The following NXN variants were observed in gnomAD, a reference collection of about 807,000 sequenced individuals.
NXN encodes the protein nucleoredoxin 1.
Under a neutral mutation model 48.6 loss-of-function variants are expected in NXN, and 16 were observed. The ratio of observed to expected loss-of-function variants is 0.33; its 90% CI spans 0.22 to 0.50. The LOEUF (loss-of-function observed/expected upper bound fraction) is 0.50, where lower values mean the gene tolerates loss of function less well. Among genes scored for constraint, NXN ranks in the 20% least tolerant of loss-of-function variants. The probability of loss-of-function intolerance (pLI) is 0.98; values close to 1 mark genes in which losing one functional copy is unlikely to be tolerated. For synonymous variants in NXN, 281 were observed against 269.6 expected (o/e 1.04, Z -0.41); for missense variants, 492 against 605.5 (o/e 0.81, Z 1.97).
chr17:902,127 G>A (rs796711946), intron 1 of NXN, among the ~76,000 whole-genome samples: 1 of 152,180 alleles, frequency 6.6e-6, no homozygotes, highest in Admixed American at 6.5e-5. Context: ...GTCCCAGCTA[G>A]TGAGTCAGGA....
At chr17:835,122 C>A (rs1273404093) in intron 1 of NXN, among the ~76,000 whole-genome samples, 4 of 151,210 alleles carry the variant, frequency 2.6e-5, no homozygotes, top group South Asian at 4.2e-4. Context: ...TCCTGGCTAA[C>A]ATGGTGAAAC....
At position 885,869 on chromosome 17, in the gene NXN, T is replaced by C. The variant is rs1352574831; in HGVS notation, c.361-59791A>G. Among the ~76,000 whole-genome samples the C allele has an allele frequency of 4.0e-5, 6 of 151,586 alleles. No homozygotes were observed. The South Asian group carries it at 8.3e-4, about 21-fold the overall frequency. ...CTAATTTTTTTTTTTTGTATTTTTT[T>C]AGTAGAGACGGGGTTTCACCGTGTC... On this transcript the variant is annotated intron_variant, in intron 1 of 7. Transcript: ENST00000336868.
intron 1 of NXN, among the ~76,000 whole-genome samples, chr17:857,790 T>C (rs2068001402): frequency 6.6e-6 from 1 of 152,152 alleles, no homozygotes; most frequent in Non-Finnish European, 1.5e-5. Context: ...AGACCTCCTC[T>C]AGGTGGCACG....
intron 1 of NXN, among the ~76,000 whole-genome samples, chr17:960,395 G>T (rs2069222970): frequency 6.6e-6 from 1 of 152,054 alleles, no homozygotes; most frequent in Admixed American, 6.6e-5. Flanking sequence ...TCAGGCTGGG[G>T]TGCAGTGGCA....
chr17:908,652 A>G (rs2068603427), intron 1 of NXN, among the ~76,000 whole-genome samples: 1 of 152,194 alleles, frequency 6.6e-6, no homozygotes, highest in Non-Finnish European at 1.5e-5. Context: ...GGCCCCCTGG[A>G]GAGCGCTTCA....
In NXN at chr17:932,553, T is replaced by C. The variant is rs1035214236; in HGVS notation, c.360+46766A>G. ...AGCTTCAGGGGAAGGCCTGAGCCCC[T>C]TCTAAGAAAACACAGGCTGGATTTT... On this transcript the variant is annotated intron_variant, in intron 1 of 7. Transcript: ENST00000336868. This position sits in a 1 kb window ranked among gnomAD's most constrained non-coding sequence, Gnocchi z 4.1. Among the ~76,000 whole-genome samples, 3 of 152,202 alleles carry C rather than the reference T, an allele frequency of 2.0e-5. No individual in the cohort carries two copies. Among genetic ancestry groups the C allele is most frequent in the African/African-American group, 7.2e-5 (3 of 41,450 alleles).
intron 1 of NXN, among the ~76,000 whole-genome samples, chr17:940,966 C>T (rs1206642831): frequency 7.0e-6 from 1 of 142,886 alleles, no homozygotes; most frequent in African/African-American, 2.8e-5. Context: ...TTACAGTGAA[C>T]AAGATTCCAG....
In NXN at chr17:940,038, AT is replaced by A. The variant is rs375519906; in HGVS notation, c.360+39280del. Among the ~76,000 whole-genome samples, 397 of 151,618 alleles carry A rather than the reference AT, an allele frequency of 2.6e-3. 2 individuals carry two copies. The highest frequency in any genetic ancestry group is 8.8e-3 in the African/African-American group (362 of 41,290). On this transcript the variant is annotated intron_variant, in intron 1 of 7. Transcript: ENST00000336868. ...AGCCTCAAACTGCCGGGATCAAGTG[AT>A]CCTCCCACCTCAGCCTCCTGAGTAG...
rs1033017208 is a variant in NXN, at chr17:858,518, G to A, written c.361-32440C>T. ...TGAGGCTGGTAGATCACGAGGTCAG[G>A]AGATCGAGACCATCCTGGCTAACAC... is the stretch of plus-strand genomic sequence containing the variant. On this transcript the variant is annotated intron_variant, in intron 1 of 7. Transcript: ENST00000336868. 1.3e-4 allele frequency among the ~76,000 whole-genome samples: 20 copies of A among 151,686 alleles called. No individual in the cohort carries two copies. The South Asian group carries it at 2.3e-3, about 17-fold the overall frequency.
chr17:908,302 C>T (rs11652918), intron 1 of NXN, among the ~76,000 whole-genome samples: 50,514 of 151,938 alleles, frequency 0.33, 9,142 homozygotes, highest in Admixed American at 0.5. Flanking sequence ...CTTTGGGAGG[C>T]TGAGGCAGGC....
intron 1 of NXN, among the ~76,000 whole-genome samples, chr17:852,969 A>C (rs2067940529): frequency 6.6e-6 from 1 of 151,954 alleles, no homozygotes; most frequent in African/African-American, 2.4e-5. Flanking sequence ...ATGAGACCTA[A>C]AGTGTAAATT....
chr17:946,044 G>A (rs1430832758), intron 1 of NXN, among the ~76,000 whole-genome samples: 1 of 152,188 alleles, frequency 6.6e-6, no homozygotes, highest in African/African-American at 2.4e-5. Flanking sequence ...GAGAAGGAGA[G>A]GGAAAGGGAG....
chr17:819,384 G>A (rs777901579), intron 5 of NXN, 55 bp downstream of exon 5: 2 of 1,236,076 alleles, frequency 1.6e-6, no homozygotes, highest in South Asian at 2.4e-5. Context: ...GACACGGTGA[G>A]CTCAGGTGAG....
At position 876,501 on chromosome 17, in the gene NXN, C is replaced by A. The variant is rs187520618; in HGVS notation, c.361-50423G>T. ...CACGCTAGGCGTCCTTTGCTCTAAG[C>A]GTGTTTCATGTACGTCTCCCCATCA... is the stretch of plus-strand genomic sequence containing the variant. On this transcript the variant is annotated intron_variant, in intron 1 of 7. Coordinates refer to ENST00000336868, the MANE Select transcript of NXN (RefSeq NM_022463.5). Among the ~76,000 whole-genome samples the A allele has an allele frequency of 6.6e-5, 10 of 152,272 alleles. No individual in the cohort carries two copies. The South Asian group carries it at 1.0e-3, about 16-fold the overall frequency.
Position 823,668 on chromosome 17 carries a change from C to T in NXN, c.576G>A (p.Glu192=). Residue 192 remains glutamate (E), a synonymous_variant, in exon 3 of 8, where the codon GAG becomes GAA. Transcript: ENST00000336868. ...AGAAATAGACGCCCACGTGAGACCC[C>T]TCCAGGCTGCTGCTCTCCAGAGACT... ...NGQSLESSSL[E]GSHVGVYFSA... 1.2e-6 allele frequency: 2 copies of T among 1,614,168 alleles called. No individual in the cohort carries two copies. The highest frequency in any genetic ancestry group is 1.7e-6 in the Non-Finnish European group (2 of 1,180,034).
intron 1 of NXN, chr17:933,300 A>C (rs2150598702): frequency 6.6e-6 from 1 of 152,390 alleles, no homozygotes; most frequent in Non-Finnish European, 1.5e-5. Context: ...AAATCTGATT[A>C]GTAAAAAGAT....
At chr17:802,962 T>TGGGGAGGG (rs1911283751) in intron 7 of NXN, among the ~76,000 whole-genome samples, 1 of 148,582 alleles carries the variant, frequency 6.7e-6, no homozygotes, top group African/African-American at 2.6e-5. Context: ...GGTGGGGAGG[T>TGGGGAGGG]GGCAGCGCAG....
chr17:888,498 G>C (rs539810473), intron 1 of NXN, among the ~76,000 whole-genome samples: 1 of 152,170 alleles, frequency 6.6e-6, no homozygotes, highest in Admixed American at 6.5e-5. Flanking sequence ...TGGGATGACA[G>C]GCATGAGCCA....
chr17:813,650 A>G (rs1171620867), intron 5 of NXN, among the ~76,000 whole-genome samples: 2 of 152,042 alleles, frequency 1.3e-5, no homozygotes, highest in Non-Finnish European at 2.9e-5. Flanking sequence ...TTGGTATTTA[A>G]CTTCAGCATT....
Sources: allele counts gnomAD v4.1 joint callset (sites outside exome capture counted in the v4.1 genomes callset), GRCh38; gene constraint gnomAD v4.1.1; non-coding constraint Gnocchi (gnomAD v3.1); transcripts MANE v1.5; gene names NCBI Gene and HGNC (gene_info 2026-07-23, HGNC 2026-07-21).